DSCAM: variants seen among roughly 807,000 people sequenced by gnomAD.
DSCAM encodes the protein DS cell adhesion molecule.
A neutral mutation model predicts 217.7 loss-of-function variants in DSCAM; 47 were observed. That is an observed-to-expected ratio of 0.22 (90% CI 0.17 to 0.28). The LOEUF (loss-of-function observed/expected upper bound fraction) is 0.28. Ranked by LOEUF, DSCAM falls within the 10% of genes least tolerant of loss-of-function variation. The pLI is 1.00. For missense variants in DSCAM, 2,080 were observed against 2,618.3 expected (o/e 0.79, Z 4.49); for synonymous variants, 1,056 against 1,015.3 (o/e 1.04, Z -0.76).
At chr21:40,335,591 A>G (rs1056936457) in intron 8 of DSCAM, among the ~76,000 whole-genome samples, 1 of 152,204 alleles carries the variant, frequency 6.6e-6, no homozygotes, top group Non-Finnish European at 1.5e-5. Context: ...CTATTTATCC[A>G]ATGGTCATAC....
At chr21:40,116,319 A>C (rs528811191) in intron 20 of DSCAM, among the ~76,000 whole-genome samples, 122 of 152,336 alleles carry the variant, frequency 8.0e-4, no homozygotes, top group African/African-American at 2.9e-3. Context: ...TTAAAAGTGA[A>C]AAAATAACGA....
At chr21:40,606,461 T>C (rs1228665904) in intron 3 of DSCAM, among the ~76,000 whole-genome samples, 2 of 152,262 alleles carry the variant, frequency 1.3e-5, no homozygotes. Flanking sequence ...TTTTTAAACA[T>C]TGCCCAGGTC....
chr21:40,592,158 C>A (rs1314543408), intron 3 of DSCAM, among the ~76,000 whole-genome samples: 1 of 152,066 alleles, frequency 6.6e-6, no homozygotes, highest in Non-Finnish European at 1.5e-5. Context: ...ATTTTGTTTT[C>A]TTTTTCAATC....
At chr21:40,239,477 G>C (rs888660469) in intron 11 of DSCAM, among the ~76,000 whole-genome samples, 1 of 152,154 alleles carries the variant, frequency 6.6e-6, no homozygotes, top group Middle Eastern at 3.4e-3. Context: ...TGAAAGAAGA[G>C]GCTCCTTCTA....
chr21:40,435,546 C>CA (rs3069912), intron 3 of DSCAM, among the ~76,000 whole-genome samples: 65,450 of 143,348 alleles, frequency 0.46, 14,679 homozygotes, highest in South Asian at 0.52. Flanking sequence ...CTGTATCTAC[C>CA]AAAAAAAAAA....
At chr21:40,799,560 C>T (rs919814789) in intron 1 of DSCAM, among the ~76,000 whole-genome samples, 9 of 152,160 alleles carry the variant, frequency 5.9e-5, no homozygotes, top group Admixed American at 2.0e-4. Flanking sequence ...AAGATATAAA[C>T]TGGGCTGCAC....
At chr21:40,147,563 A>T (rs1483336642) in intron 16 of DSCAM, among the ~76,000 whole-genome samples, 1 of 152,250 alleles carries the variant, frequency 6.6e-6, no homozygotes, top group African/African-American at 2.4e-5. Flanking sequence ...ATACTTCTGC[A>T]AAATATTGTG....
chr21:40,204,266 T>C (rs972803178), intron 11 of DSCAM, among the ~76,000 whole-genome samples: 2 of 152,214 alleles, frequency 1.3e-5, no homozygotes, highest in Admixed American at 6.5e-5. Context: ...TGCATGTACA[T>C]TCATTCTTTT....
intron 25 of DSCAM, 28 bp from the exon 26 acceptor site, chr21:40,079,005 C>A: frequency 6.2e-7 from 1 of 1,605,472 alleles, no homozygotes; most frequent in Admixed American, 1.7e-5. Flanking sequence ...TGGAGGTCAG[C>A]TCACAGGACA....
intron 3 of DSCAM, among the ~76,000 whole-genome samples, chr21:40,664,601 A>G (rs571778775): frequency 2.6e-5 from 4 of 152,346 alleles, no homozygotes; most frequent in Admixed American, 2.6e-4. Context: ...GAAGTGTTCC[A>G]TGCTTTCATG....
chr21:40,679,924 A>C (rs1035311077), intron 3 of DSCAM, among the ~76,000 whole-genome samples: 1 of 152,156 alleles, frequency 6.6e-6, no homozygotes, highest in African/African-American at 2.4e-5. Flanking sequence ...AGCCTCACAC[A>C]AACAACGGCC....
At chr21:40,452,710 A>G (rs1337985510) in intron 3 of DSCAM, among the ~76,000 whole-genome samples, 4 of 150,572 alleles carry the variant, frequency 2.7e-5, no homozygotes, top group Non-Finnish European at 5.9e-5. Flanking sequence ...GAAACTCAAA[A>G]TGTTAGGATT....
At chr21:40,017,041 G>A (rs2088170523) in intron 32 of DSCAM, among the ~76,000 whole-genome samples, 2 of 151,244 alleles carry the variant, frequency 1.3e-5, no homozygotes, top group Non-Finnish European at 2.9e-5. Flanking sequence ...TTTTGAACCT[G>A]CGCATTGGAG....
chr21:40,636,725 C>G (rs1022252193), intron 3 of DSCAM, among the ~76,000 whole-genome samples: 1 of 150,404 alleles, frequency 6.6e-6, no homozygotes, highest in Admixed American at 6.6e-5. Context: ...AAAAATGCCA[C>G]GCTAGTCTGA....
intron 1 of DSCAM, among the ~76,000 whole-genome samples, chr21:40,818,162 G>C (rs185827958): frequency 6.7e-6 from 1 of 149,550 alleles, no homozygotes; most frequent in Non-Finnish European, 1.5e-5. Flanking sequence ...CTTGGGCCTC[G>C]ATGTGGTAAA....
intron 3 of DSCAM, among the ~76,000 whole-genome samples, chr21:40,398,910 G>A (rs759452293): frequency 6.6e-6 from 1 of 152,142 alleles, no homozygotes; most frequent in Non-Finnish European, 1.5e-5. Flanking sequence ...TCTAAGAAGA[G>A]GCAATATTGT....
chr21:40,240,717 T>C (rs76065072), intron 11 of DSCAM, among the ~76,000 whole-genome samples: 2,147 of 152,292 alleles, frequency 0.014, 61 homozygotes, highest in African/African-American at 0.049. Flanking sequence ...TGTGAAAATA[T>C]TGGATTCCTC....
chr21:40,423,347 A>G (rs2075442522), intron 3 of DSCAM, among the ~76,000 whole-genome samples: 1 of 148,184 alleles, frequency 6.7e-6, no homozygotes, highest in South Asian at 2.1e-4. Context: ...CATTATCCAC[A>G]ACGAGAGAGA....
intron 27 of DSCAM, among the ~76,000 whole-genome samples, chr21:40,070,118 A>G (rs2089269632): frequency 6.6e-6 from 1 of 152,086 alleles, no homozygotes; most frequent in South Asian, 2.1e-4. Flanking sequence ...TCAGTTTGCC[A>G]TAACAAGTTT....
Sources: allele counts gnomAD v4.1 joint callset (sites outside exome capture counted in the v4.1 genomes callset), GRCh38; gene constraint gnomAD v4.1.1; transcripts MANE v1.5; gene names NCBI Gene and HGNC (gene_info 2026-07-23, HGNC 2026-07-21).